PCDH7: variants seen among roughly 807,000 people sequenced by gnomAD.
PCDH7 encodes the protein protocadherin-7.
PCDH7 carries 17 observed loss-of-function variants against 58.9 expected under a neutral mutation model. The ratio of observed to expected loss-of-function variants is 0.29; its 90% CI spans 0.20 to 0.43. PCDH7 has a LOEUF of 0.43. Ranked by LOEUF, PCDH7 falls within the 20% of genes least tolerant of loss-of-function variation. PCDH7 has a pLI of 1.00. For synonymous variants in PCDH7, 664 were observed against 616.4 expected (o/e 1.08, Z -1.14); for missense variants, 1,274 against 1,441.0 (o/e 0.88, Z 1.88).
chr4:30,796,950 G>T (rs564734865), intron 1 of PCDH7, among the ~76,000 whole-genome samples: 5 of 151,256 alleles, frequency 3.3e-5, no homozygotes, highest in African/African-American at 1.2e-4. Context: ...TTATTAAGTT[G>T]TTGGCGCTTT....
intron 1 of PCDH7, among the ~76,000 whole-genome samples, chr4:30,812,669 G>T (rs1306477446): frequency 6.6e-6 from 1 of 151,784 alleles, no homozygotes; most frequent in African/African-American, 2.4e-5. Flanking sequence ...ATTCTAAAAG[G>T]GTAGGTTCTC....
At chr4:30,829,578 A>T (rs927190110) in intron 1 of PCDH7, among the ~76,000 whole-genome samples, 1 of 152,074 alleles carries the variant, frequency 6.6e-6, no homozygotes, top group Non-Finnish European at 1.5e-5. Flanking sequence ...GAACCCACAG[A>T]TGCAGCCCTA....
intron 3 of PCDH7, among the ~76,000 whole-genome samples, chr4:31,020,332 AG>A (rs956813603): frequency 3.5e-4 from 53 of 152,338 alleles, no homozygotes; most frequent in African/African-American, 1.3e-3. Context: ...TTCAAGGTAC[AG>A]GTACGTGAGA....
chr4:30,859,429 A>C (rs991734635), intron 1 of PCDH7, among the ~76,000 whole-genome samples: 49 of 151,202 alleles, frequency 3.2e-4, no homozygotes, highest in African/African-American at 1.1e-3. Flanking sequence ...GAAAGCTCTA[A>C]TTCTTCTTTT....
chr4:30,914,636 A>G (rs1316153918), intron 1 of PCDH7, among the ~76,000 whole-genome samples: 4 of 152,174 alleles, frequency 2.6e-5, no homozygotes, highest in African/African-American at 7.2e-5. Flanking sequence ...GGCCAGCTCT[A>G]TATTTTCTTA....
rs188207195 is a variant in PCDH7, at chr4:30,764,337, C to T, written c.70+39741C>T. 1.3e-4 allele frequency among the ~76,000 whole-genome samples: 20 copies of T among 152,188 alleles called. 1 individual carries two copies. In the South Asian group the frequency reaches 1.9e-3, roughly 14 times the overall value. The stretch of plus-strand genomic sequence containing the variant: ...GCGTTTAACCACACAAATGGTTAAA[C>T]GTATGCTTAATGGGTACTTTACCAT... On this transcript the variant is annotated intron_variant, in intron 1 of 3. Coordinates refer to the PCDH7 transcript ENST00000509759.
At chr4:30,734,270 T>C (rs2109241140), downstream of PCDH7, among the ~76,000 whole-genome samples, 1 of 151,996 alleles carries the variant, frequency 6.6e-6, no homozygotes, top group African/African-American at 2.4e-5. Flanking sequence ...TCTGGCTCCA[T>C]TGCCCAGGCT....
chr4:30,959,936 T>G (rs1261361181), intron 3 of PCDH7, among the ~76,000 whole-genome samples: 1 of 152,046 alleles, frequency 6.6e-6, no homozygotes, highest in African/African-American at 2.4e-5. Flanking sequence ...GCCAAGCACT[T>G]ACACTGGATT....
At chr4:31,115,432 T>G (rs1716875612) in intron 3 of PCDH7, among the ~76,000 whole-genome samples, 2 of 152,156 alleles carry the variant, frequency 1.3e-5, no homozygotes, top group Non-Finnish European at 2.9e-5. Context: ...TTTACATATT[T>G]GTTTTGAAAT....
intron 3 of PCDH7, among the ~76,000 whole-genome samples, chr4:31,034,810 A>T (rs1441698627): frequency 1.3e-5 from 2 of 150,886 alleles, no homozygotes; most frequent in African/African-American, 2.4e-5. Context: ...GTCAGCATTT[A>T]AAAAAAATAA....
intron 1 of PCDH7, among the ~76,000 whole-genome samples, chr4:30,799,552 A>G (rs772415310): frequency 1.3e-5 from 2 of 152,178 alleles, no homozygotes; most frequent in Non-Finnish European, 2.9e-5. Flanking sequence ...ATCACATTCA[A>G]TGTACTTTAT....
chr4:30,997,247 T>C (rs1751979004), intron 3 of PCDH7, among the ~76,000 whole-genome samples: 1 of 152,180 alleles, frequency 6.6e-6, no homozygotes, highest in African/African-American at 2.4e-5. Context: ...GACATTCTTT[T>C]AAATTCTATA....
intron 3 of PCDH7, among the ~76,000 whole-genome samples, chr4:30,962,584 T>C (rs11942794): frequency 0.61 from 93,039 of 151,370 alleles, 29,863 homozygotes; most frequent in African/African-American, 0.81. Flanking sequence ...CCCAGGAGTT[T>C]GAGACCATCC....
At chr4:30,847,247 CAG>C in intron 1 of PCDH7, among the ~76,000 whole-genome samples, 1 of 152,012 alleles carries the variant, frequency 6.6e-6, no homozygotes, top group Non-Finnish European at 1.5e-5. Context: ...GGTGGATTGA[CAG>C]AAGACAGATG....
At chr4:30,813,000 G>A (rs762587720) in intron 1 of PCDH7, among the ~76,000 whole-genome samples, 24 of 152,114 alleles carry the variant, frequency 1.6e-4, no homozygotes, top group Admixed American at 3.9e-4. Context: ...GGGAGATGAG[G>A]CAACTCAATC....
downstream of PCDH7, among the ~76,000 whole-genome samples, chr4:30,735,787 G>A (rs1428549566): frequency 6.6e-6 from 1 of 152,150 alleles, no homozygotes; most frequent in Non-Finnish European, 1.5e-5. Context: ...AAATGTTTGT[G>A]GCCTGGAATT....
At chr4:31,072,560 G>A (rs1032953493) in intron 3 of PCDH7, among the ~76,000 whole-genome samples, 6 of 152,062 alleles carry the variant, frequency 3.9e-5, no homozygotes, top group Non-Finnish European at 5.9e-5. Flanking sequence ...TTTAGAAATT[G>A]GAAGATGTGT....
Position 30,935,322 on chromosome 4 carries a change from T to C in PCDH7, c.288-14798T>C, listed in dbSNP as rs541975684. The C allele has an allele frequency of 1.0e-5, 10 of 981,768 alleles. No homozygotes were observed. In the East Asian group the frequency reaches 1.1e-3, roughly 112 times the overall value. 60.8% of individuals were successfully genotyped at this position (981,768 alleles called of 1,614,324 possible). A position where few individuals can be genotyped will look rare whatever the true frequency, so the allele number is the denominator to read the frequency against. On this transcript the variant is annotated intron_variant, in intron 2 of 3. Transcript: ENST00000509759. ...TTTTCTTACCTCCAGAAATGTTTAC[T>C]GGCCTCATATTTAGCTGTAAAGGTA...
chr4:30,926,280 G>A (rs1743860465), intron 2 of PCDH7, among the ~76,000 whole-genome samples: 4 of 151,690 alleles, frequency 2.6e-5, no homozygotes, highest in African/African-American at 7.3e-5. Context: ...CGCCTCCTGC[G>A]TTCAAACCAT....
Sources: allele counts gnomAD v4.1 joint callset (sites outside exome capture counted in the v4.1 genomes callset), GRCh38; gene constraint gnomAD v4.1.1; transcripts MANE v1.5; gene names NCBI Gene and HGNC (gene_info 2026-07-23, HGNC 2026-07-21).